Variants in DISC1 observed in about 807,000 individuals in gnomAD.
The protein encoded by DISC1 is DISC1 scaffold protein, also known as disrupted in schizophrenia 1 protein.
A neutral mutation model predicts 84.5 loss-of-function variants in DISC1; 57 were observed. The ratio of observed to expected loss-of-function variants is 0.67; its 90% confidence interval spans 0.55 to 0.84. The LOEUF (loss-of-function observed/expected upper bound fraction) is 0.84, where lower values mean the gene tolerates loss of function less well. Among genes scored for constraint, DISC1 ranks in the 40% least tolerant of loss-of-function variants. DISC1 has a pLI of 0.00. For synonymous variants in DISC1, 411 were observed against 415.2 expected (o/e 0.99, Z 0.12); for missense variants, 1,000 against 1,057.8 (o/e 0.95, Z 0.76).
chr1:231,708,408 C>T (rs1419208837), intron 3 of DISC1, among the ~76,000 whole-genome samples: 1 of 152,206 alleles, frequency 6.6e-6, no homozygotes, highest in Non-Finnish European at 1.5e-5. Flanking sequence ...TGTGTAAGCA[C>T]TGTGCGTATA....
At chr1:231,651,044 A>T (rs1030710161) in intron 1 of DISC1, among the ~76,000 whole-genome samples, 1 of 151,926 alleles carries the variant, frequency 6.6e-6, no homozygotes, top group African/African-American at 2.4e-5. Context: ...GTTATTACTG[A>T]CCTTCTGAAG....
At chr1:231,872,831 TC>T (rs1384964080) in intron 9 of DISC1, among the ~76,000 whole-genome samples, 1 of 152,248 alleles carries the variant, frequency 6.6e-6, no homozygotes, top group African/African-American at 2.4e-5. Flanking sequence ...CTGCCTGTTT[TC>T]AAGATAAGTG....
chr1:231,687,377 C>T (rs1572871712), intron 1 of DISC1, among the ~76,000 whole-genome samples: 1 of 152,166 alleles, frequency 6.6e-6, no homozygotes, highest in East Asian at 1.9e-4. Flanking sequence ...TACATGGTGG[C>T]AGCAAGAGAA....
At chr1:231,641,761 G>A (rs548829453) in intron 1 of DISC1, among the ~76,000 whole-genome samples, 4 of 152,342 alleles carry the variant, frequency 2.6e-5, no homozygotes, top group African/African-American at 9.6e-5. Flanking sequence ...TAGATACAGA[G>A]TGTCCATTGG....
intron 10 of DISC1, among the ~76,000 whole-genome samples, chr1:231,986,264 T>C (rs1664423563): frequency 6.6e-6 from 1 of 152,184 alleles, no homozygotes; most frequent in Non-Finnish European, 1.5e-5. Context: ...TGGTCATCTT[T>C]GGATGAAGCT....
chr1:231,840,692 ATTTG>A (rs947115100), intron 9 of DISC1, among the ~76,000 whole-genome samples: 1 of 149,060 alleles, frequency 6.7e-6, no homozygotes, highest in African/African-American at 2.5e-5. Context: ...TTTTGTTTTT[ATTTG>A]TTTTTTTTTT....
chr1:231,910,783 T>C (rs1370374695), intron 9 of DISC1, among the ~76,000 whole-genome samples: 3 of 152,184 alleles, frequency 2.0e-5, no homozygotes, highest in Non-Finnish European at 2.9e-5. Context: ...GGTGTTAAAG[T>C]CTCCCATTAT....
rs1234311941 is a variant in DISC1 at position 231,721,796 on chromosome 1, T to TA, written c.1117+19780dup. ...TTCATCTCAAAAAGGGCTCTGTTGC[T>TA]AAAAAAAAGAAAAAGAAAAACAAAC... On this transcript the variant is annotated intron_variant, in intron 3 of 12. Transcript: ENST00000439617. Among the ~76,000 whole-genome samples the TA allele has an allele frequency of 4.6e-5, 7 of 151,160 alleles. No individual in the cohort carries two copies. The South Asian group carries it at 8.4e-4, about 18-fold the overall frequency.
intron 9 of DISC1, among the ~76,000 whole-genome samples, chr1:231,931,393 C>T (rs185095417): frequency 1.2e-4 from 18 of 152,202 alleles, no homozygotes; most frequent in African/African-American, 2.7e-4. Context: ...GCCCATGTAC[C>T]GGGAGATGCC....
Position 231,818,207 on chromosome 1 carries a change from TA to T in DISC1, c.1793-120del, listed in dbSNP as rs1196639117. Reference sequence around the variant, plus strand: ...AGAGGACTGCTAAGGAAATTGTACATAATCTCAAAGTGCAGTTTCTTTGCCC... The same window carrying T: ...AGAGGACTGCTAAGGAAATTGTACATATCTCAAAGTGCAGTTTCTTTGCCC... On this transcript the variant is annotated intron_variant, in intron 8 of 12. Transcript: ENST00000439617. The T allele has an allele frequency of 2.9e-6, 3 of 1,020,310 alleles. No individual in the cohort carries two copies. The African/African-American group carries it at 4.7e-5, about 16-fold the overall frequency. The allele number at this position is 1,020,310 out of a possible 1,614,324, so 63.2% of individuals were successfully genotyped here.
At chr1:231,845,979 G>A (rs796820902) in intron 9 of DISC1, among the ~76,000 whole-genome samples, 42 of 152,214 alleles carry the variant, frequency 2.8e-4, no homozygotes, top group African/African-American at 9.4e-4. Context: ...GGAGGTCCAG[G>A]ATCAAGGCCC....
chr1:231,866,609 T>C, intron 9 of DISC1: 1 of 1,545,450 alleles, frequency 6.5e-7, no homozygotes, highest in Non-Finnish European at 8.9e-7. Context: ...CACTGTGATT[T>C]GAACCCAGAG....
intron 10 of DISC1, among the ~76,000 whole-genome samples, chr1:232,003,825 C>A (rs1667011383): frequency 6.6e-6 from 1 of 151,728 alleles, no homozygotes; most frequent in Non-Finnish European, 1.5e-5. Context: ...ACTATACAGC[C>A]CTTGAATTAA....
At chr1:231,689,859 G>C (rs1392149610) in intron 1 of DISC1, among the ~76,000 whole-genome samples, 1 of 152,138 alleles carries the variant, frequency 6.6e-6, no homozygotes, top group Non-Finnish European at 1.5e-5. Flanking sequence ...AATACTTAGG[G>C]GGGAATGAGT....
chr1:231,746,762 G>A (rs2074027537), intron 3 of DISC1, among the ~76,000 whole-genome samples: 1 of 151,980 alleles, frequency 6.6e-6, no homozygotes, highest in African/African-American at 2.4e-5. Context: ...GCCTTCTTTT[G>A]AGAAATGTCT....
chr1:231,915,966 G>C (rs969790007), intron 9 of DISC1, among the ~76,000 whole-genome samples: 4 of 152,188 alleles, frequency 2.6e-5, no homozygotes, highest in African/African-American at 9.7e-5. Context: ...TGTATTTACA[G>C]GAGCCCAAGG....
chr1:231,710,859 A>G (rs1486500247), intron 3 of DISC1, among the ~76,000 whole-genome samples: 1 of 152,182 alleles, frequency 6.6e-6, no homozygotes, highest in African/African-American at 2.4e-5. Context: ...TAGAACTCCA[A>G]CATATGAATA....
intron 9 of DISC1, among the ~76,000 whole-genome samples, chr1:231,927,617 A>G (rs926055493): frequency 1.3e-5 from 2 of 152,184 alleles, no homozygotes; most frequent in Non-Finnish European, 1.5e-5. Context: ...TGTTCTATTT[A>G]TGGGTAACCA....
chr1:231,872,163 C>A (rs888182833), intron 9 of DISC1, among the ~76,000 whole-genome samples: 3 of 152,172 alleles, frequency 2.0e-5, no homozygotes, highest in Non-Finnish European at 4.4e-5. Context: ...ACCTATATCT[C>A]AAAAATGAGA....
Sources: allele counts gnomAD v4.1 joint callset (sites outside exome capture counted in the v4.1 genomes callset), GRCh38; gene constraint gnomAD v4.1.1; transcripts MANE v1.5; gene names NCBI Gene and HGNC (gene_info 2026-07-23, HGNC 2026-07-21).